The following SPECC1 variants were observed in gnomAD, a reference collection of about 807,000 sequenced individuals.
SPECC1 encodes the protein cytospin-B.
A neutral mutation model predicts 104.1 loss-of-function variants in SPECC1; 62 were observed. That is an observed-to-expected ratio of 0.60 (90% CI 0.49 to 0.74). The LOEUF is 0.74. Ranked by LOEUF, SPECC1 falls within the 30% of genes least tolerant of loss-of-function variation. The pLI, the probability that SPECC1 is intolerant of heterozygous loss-of-function variation, is 0.00. For synonymous variants in SPECC1, 513 were observed against 501.6 expected (o/e 1.02, Z -0.30); for missense variants, 1,306 against 1,310.5 (o/e 1.00, Z 0.05).
At chr17:20,021,275 C>T (rs2044365004) in intron 1 of SPECC1, among the ~76,000 whole-genome samples, 1 of 151,938 alleles carries the variant, frequency 6.6e-6, no homozygotes, top group African/African-American at 2.4e-5. Context: ...ATTCAAGGGT[C>T]ACGCGTATAC....
intron 3 of SPECC1, among the ~76,000 whole-genome samples, chr17:20,156,626 C>T (rs1215362822): frequency 6.6e-6 from 1 of 152,072 alleles, no homozygotes; most frequent in Admixed American, 6.5e-5. Context: ...CCGCCGGCCC[C>T]GCAGTTTGTG....
intron 4 of SPECC1, among the ~76,000 whole-genome samples, chr17:20,209,395 G>T (rs899924454): frequency 6.6e-6 from 1 of 152,174 alleles, no homozygotes; most frequent in Admixed American, 6.5e-5. Context: ...GTAAATCTAT[G>T]TAAGTTTCAA....
rs1234663382 is a variant in SPECC1 at position 20,314,087 on chromosome 17, C to T, written c.*22C>T. ...GTAACCCTGGAGGGCCTGGGGCAGC[C>T]ACCATTGCCACCTACTGCAGCTTTT... On this transcript the variant is annotated 3_prime_UTR_variant, in exon 15 of 15. Coordinates refer to ENST00000395527, the MANE Select transcript of SPECC1 (RefSeq NM_001243439.2). 1 of 1,600,404 alleles carries T rather than the reference C, an allele frequency of 6.2e-7. No individual in the cohort carries two copies. The highest frequency in any genetic ancestry group is 8.6e-7 in the Non-Finnish European group (1 of 1,168,732).
intron 1 of SPECC1, among the ~76,000 whole-genome samples, chr17:20,084,360 C>G (rs2047096843): frequency 6.6e-6 from 1 of 152,202 alleles, no homozygotes; most frequent in Admixed American, 6.5e-5. Flanking sequence ...ACCTGGGAGG[C>G]AGAGGTTGCA....
intron 4 of SPECC1, among the ~76,000 whole-genome samples, chr17:20,220,318 A>T (rs934358814): frequency 1.3e-5 from 2 of 151,950 alleles, no homozygotes; most frequent in African/African-American, 4.8e-5. Flanking sequence ...GAGTGTCTTT[A>T]TTTTTGTGTG....
At chr17:20,261,383 T>G (rs1291437247) in intron 12 of SPECC1, among the ~76,000 whole-genome samples, 1 of 151,344 alleles carries the variant, frequency 6.6e-6, no homozygotes, top group Non-Finnish European at 1.5e-5. Context: ...GCGCCTGTAG[T>G]CACAGCTACT....
At chr17:20,300,334 T>G (rs1412494133) in intron 13 of SPECC1, among the ~76,000 whole-genome samples, 1 of 152,202 alleles carries the variant, frequency 6.6e-6, no homozygotes, top group Non-Finnish European at 1.5e-5. Flanking sequence ...ATCTATGCAT[T>G]TATTCCCTCC....
In SPECC1 at chr17:20,245,972, CGGT is replaced by C. The variant is rs763955897; in HGVS notation, c.2401_2403del (p.Trp801del). On this transcript the variant is annotated inframe_deletion, in exon 8 of 15. Coordinates refer to ENST00000395527, the MANE Select transcript of SPECC1 (RefSeq NM_001243439.2). ...GTCCTCTGAGGTCGATGCTGCTGGT[CGGT>C]GGCCTGGTGTCTGTGTTAGCAGAAC... The C allele has an allele frequency of 2.5e-6, 4 of 1,614,134 alleles. No homozygotes were observed. Among genetic ancestry groups the C allele is most frequent in the Admixed American group, 1.7e-5 (1 of 60,020 alleles).
At position 20,305,772 on chromosome 17, in the gene SPECC1, C is replaced by T. The variant is rs2142151131; in HGVS notation, c.3058-251C>T. 5 of 416,666 alleles carry T rather than the reference C, an allele frequency of 1.2e-5. No homozygotes were observed. The South Asian group carries it at 1.8e-4, about 15-fold the overall frequency. 25.8% of individuals were successfully genotyped at this position (416,666 alleles called of 1,614,324 possible). On this transcript the variant is annotated intron_variant, in intron 13 of 14. Transcript: ENST00000395527. ...CATAAATCTTGCAAAGTATGAATTACCTAAATCTTGACAAAGGTAAACAAA... is the reference window on the plus strand; with the variant it reads ...CATAAATCTTGCAAAGTATGAATTATCTAAATCTTGACAAAGGTAAACAAA...
intron 1 of SPECC1, among the ~76,000 whole-genome samples, chr17:20,082,953 TTGG>T (rs2047031564): frequency 1.3e-5 from 2 of 149,456 alleles, no homozygotes; most frequent in Non-Finnish European, 3.0e-5. Flanking sequence ...GCTGTGTCCT[TTGG>T]TGTTCGTTCG....
At chr17:20,074,705 T>C (rs2046688831) in intron 1 of SPECC1, among the ~76,000 whole-genome samples, 1 of 152,164 alleles carries the variant, frequency 6.6e-6, no homozygotes, top group Admixed American at 6.5e-5. Flanking sequence ...GGTTCTGTTT[T>C]AGAGTAGCCG....
At chr17:20,044,935 G>C (rs1036891877) in intron 1 of SPECC1, among the ~76,000 whole-genome samples, 3 of 152,230 alleles carry the variant, frequency 2.0e-5, no homozygotes, top group Non-Finnish European at 4.4e-5. Flanking sequence ...CATGTGTGCT[G>C]TGTGTGTTTA....
intron 10 of SPECC1, among the ~76,000 whole-genome samples, chr17:20,254,902 A>G (rs559110062): frequency 6.6e-6 from 1 of 152,282 alleles, no homozygotes; most frequent in African/African-American, 2.4e-5. Context: ...ATGGAATTAA[A>G]TAAGGATTTT....
chr17:20,118,293 C>G (rs1016066709), intron 3 of SPECC1, among the ~76,000 whole-genome samples: 1 of 152,138 alleles, frequency 6.6e-6, no homozygotes, highest in African/African-American at 2.4e-5. Context: ...TTTAATCTTT[C>G]ACCAAGCATT....
chr17:20,143,213 C>A (rs1264522109), intron 3 of SPECC1, among the ~76,000 whole-genome samples: 1 of 150,626 alleles, frequency 6.6e-6, no homozygotes, highest in Non-Finnish European at 1.5e-5. Context: ...GGCAAAACCC[C>A]ATCTCTATCA....
chr17:20,160,723 A>G (rs745869026), intron 3 of SPECC1, among the ~76,000 whole-genome samples: 2 of 152,250 alleles, frequency 1.3e-5, no homozygotes, highest in Non-Finnish European at 2.9e-5. Flanking sequence ...ATGCATTTCA[A>G]TGAAATGGTA....
rs759014025 is a variant in SPECC1 at position 20,236,982 on chromosome 17, C to G, written c.2351+4577C>G. ...GGAATGTGTAGAGGAGAAATTGCCT[C>G]TTTATAAAGAGCCCAGTTGTCTCCT... On this transcript the variant is annotated intron_variant, in intron 7 of 14. Coordinates refer to ENST00000395527, the MANE Select transcript of SPECC1 (RefSeq NM_001243439.2). 17 of 1,580,770 alleles carry G rather than the reference C, an allele frequency of 1.1e-5. No individual in the cohort carries two copies. In the South Asian group the frequency reaches 1.7e-4, roughly 16 times the overall value.
chr17:20,243,085 G>T (rs371141474), intron 7 of SPECC1, among the ~76,000 whole-genome samples: 1 of 152,136 alleles, frequency 6.6e-6, no homozygotes, highest in East Asian at 1.9e-4. Flanking sequence ...GAGAGTTGGT[G>T]TGTTTGTAAA....
At chr17:20,036,968 AG>A (rs1360356290) in intron 1 of SPECC1, among the ~76,000 whole-genome samples, 4 of 152,236 alleles carry the variant, frequency 2.6e-5, no homozygotes, top group African/African-American at 9.6e-5. Context: ...AGCTTTATCA[AG>A]TCAAGGAATT....
Sources: allele counts gnomAD v4.1 joint callset (sites outside exome capture counted in the v4.1 genomes callset), GRCh38; gene constraint gnomAD v4.1.1; transcripts MANE v1.5; gene names NCBI Gene and HGNC (gene_info 2026-07-23, HGNC 2026-07-21).